Variants in PGAP2 observed in about 807,000 individuals in gnomAD.
The protein encoded by PGAP2 is post-GPI attachment to proteins 2.
Under a neutral mutation model 33.2 loss-of-function variants are expected in PGAP2, and 21 were observed. That is an observed-to-expected ratio of 0.63 (90% CI 0.45 to 0.91). The LOEUF is 0.91. Ranked by LOEUF, PGAP2 falls within the 40% of genes least tolerant of loss-of-function variation. The probability of loss-of-function intolerance (pLI) is 0.00; values close to 1 mark genes in which losing one functional copy is unlikely to be tolerated. For missense variants in PGAP2, 345 were observed against 424.0 expected (o/e 0.81, Z 1.64); for synonymous variants, 161 against 172.9 (o/e 0.93, Z 0.54).
chr11:3,798,235 A>C, intron 1 of PGAP2: 1 of 925,758 alleles, frequency 1.1e-6, no homozygotes, highest in Admixed American at 4.0e-5. Context: ...GGAGCATTAG[A>C]GATGCCCTAA....
rs1389703235 is a variant in PGAP2 at position 3,801,599 on chromosome 11, G to A, written c.139+3617G>A. ...GGAGCTTGCAGTGAGCAGAGATCGC[G>A]CCACTGCACTCCAGCCTGGGTGACA... is the stretch of plus-strand genomic sequence containing the variant. On this transcript the variant is annotated intron_variant, in intron 1 of 6. Transcript: ENST00000300730. 2.2e-4 allele frequency among the ~76,000 whole-genome samples: 28 copies of A among 129,938 alleles called. 1 individual carries two copies. In the South Asian group the frequency reaches 3.0e-3, roughly 14 times the overall value. 85.2% of individuals were successfully genotyped at this position (129,938 alleles called of 152,430 possible).
intron 3 of PGAP2, chr11:3,817,768 C>T (rs1053190391): frequency 4.2e-5 from 28 of 663,136 alleles, no homozygotes; most frequent in Admixed American, 1.8e-4. Flanking sequence ...AGGGAGATGA[C>T]GGGCGCAGTG....
intron 1 of PGAP2, among the ~76,000 whole-genome samples, chr11:3,800,362 A>G (rs546581038): frequency 6.6e-6 from 1 of 152,178 alleles, no homozygotes; most frequent in African/African-American, 2.4e-5. Context: ...CACATTAGAT[A>G]TTTGATGCAC....
At chr11:3,799,907 C>G (rs1413603682) in intron 1 of PGAP2, among the ~76,000 whole-genome samples, 2 of 152,078 alleles carry the variant, frequency 1.3e-5, no homozygotes, top group Non-Finnish European at 2.9e-5. Flanking sequence ...GTTAAAGCTA[C>G]AGTGAGCTGT....
At chr11:3,798,208 T>G (rs1251628928) in intron 1 of PGAP2, 10 of 1,189,638 alleles carry the variant, frequency 8.4e-6, no homozygotes, top group Non-Finnish European at 1.1e-5. Flanking sequence ...CTCCCTGAAT[T>G]TCTAGGATGG....
chr11:3,798,546 G>T (rs983462294), intron 1 of PGAP2, among the ~76,000 whole-genome samples: 63 of 152,034 alleles, frequency 4.1e-4, no homozygotes, highest in African/African-American at 1.4e-3. Flanking sequence ...GGTCAGGCTG[G>T]TCTCGAACTC....
chr11:3,808,895 C>A (rs1341553580), intron 1 of PGAP2, among the ~76,000 whole-genome samples: 1 of 152,190 alleles, frequency 6.6e-6, no homozygotes, highest in Non-Finnish European at 1.5e-5. Context: ...TTCCGCGGGG[C>A]CTCCTGGTCA....
intron 1 of PGAP2, among the ~76,000 whole-genome samples, chr11:3,800,814 A>G (rs2083331571): frequency 3.4e-5 from 5 of 148,294 alleles, no homozygotes; most frequent in Admixed American, 3.4e-4. Context: ...TCCGTCTCAA[A>G]AAAAAAAAAA....
chr11:3,822,922 A>G (rs1365338855), intron 3 of PGAP2: 7 of 1,531,708 alleles, frequency 4.6e-6, no homozygotes, highest in Admixed American at 2.0e-5. Flanking sequence ...TGAAGCTTCA[A>G]TAGGAGTTCC....
chr11:3,802,448 G>A (rs1036952407), intron 1 of PGAP2, among the ~76,000 whole-genome samples: 2 of 152,098 alleles, frequency 1.3e-5, no homozygotes, highest in African/African-American at 4.8e-5. Flanking sequence ...TAAAGACAAG[G>A]AGTTTGATGC....
rs1290253961 is a variant in PGAP2, at chr11:3,824,870, A to T, written c.709-150A>T. 3 of 1,459,556 alleles carry T rather than the reference A, an allele frequency of 2.1e-6. No homozygotes were observed. In the African/African-American group the frequency reaches 4.3e-5, roughly 21 times the overall value. 90.4% of individuals were successfully genotyped at this position (1,459,556 alleles called of 1,614,324 possible). ...GCAGGGACGTGAACACATAGTCGTCATTCTTGCTGCCCCTGCCTGTGCTCC... is the reference window on the plus strand; with the variant it reads ...GCAGGGACGTGAACACATAGTCGTCTTTCTTGCTGCCCCTGCCTGTGCTCC... On this transcript the variant is annotated intron_variant, in intron 5 of 6. Transcript: ENST00000278243.
chr11:3,817,378 C>G lies in PGAP2; in HGVS notation c.191C>G (p.Ala64Gly). 6.2e-7 allele frequency: 1 copy of G among 1,613,214 alleles called. No individual in the cohort carries two copies. Among genetic ancestry groups the G allele is most frequent in the South Asian group, 1.1e-5 (1 of 91,050 alleles). Residue 64 changes from alanine (A) to glycine (G), a missense_variant, in exon 3 of 7, where the codon GCG (alanine) becomes GGG (glycine). By Grantham distance (60) the Ala-to-Gly change is moderately conservative. Transcript: ENST00000278243. ...GCCACGCCCTGCAGGATGTTCTCTG[C>G]GGCCTCCCAGCCTTTGGACCCCGAT... The part of the protein sequence containing the change: ...CGATPCRMFS[A>G]ASQPLDPDGT...
At chr11:3,808,940 T>C (rs2084995374) in intron 1 of PGAP2, among the ~76,000 whole-genome samples, 1 of 152,178 alleles carries the variant, frequency 6.6e-6, no homozygotes, top group Admixed American at 6.5e-5. Context: ...GCCCCGGGGT[T>C]GGAACCCCAT....
intron 3 of PGAP2, chr11:3,822,851 C>T: frequency 1.0e-6 from 1 of 984,594 alleles, no homozygotes; most frequent in Non-Finnish European, 1.5e-6. Flanking sequence ...TTTCACCTCT[C>T]AAACAAGCAA....
At position 3,823,943 on chromosome 11, in the gene PGAP2, G is replaced by C. The variant is rs1004641277; in HGVS notation, c.409G>C (p.Val137Leu). The C allele has an allele frequency of 1.9e-6, 3 of 1,606,512 alleles. No homozygotes were observed. Reference protein sequence around the residue: ...AIGGEVPQRYVWRFCIGLHSA... With the variant: ...AIGGEVPQRYLWRFCIGLHSA... Reference sequence around the variant, plus strand: ...CGGCGGGGAGGTGCCCCAGCGCTACGTGTGGCGTTTCTGCATCGGCCTGCA... The same window carrying C: ...CGGCGGGGAGGTGCCCCAGCGCTACCTGTGGCGTTTCTGCATCGGCCTGCA... Residue 137 changes from valine (V) to leucine (L), a missense_variant, in exon 4 of 7, where the codon GTG (valine) becomes CTG (leucine). Val to Leu is a conservative substitution (Grantham distance 32). Coordinates refer to ENST00000278243, the MANE Select transcript of PGAP2 (RefSeq NM_014489.4).
At chr11:3,822,570 G>T (rs1405287351) in intron 3 of PGAP2, among the ~76,000 whole-genome samples, 1 of 151,734 alleles carries the variant, frequency 6.6e-6, no homozygotes, top group Non-Finnish European at 1.5e-5. Flanking sequence ...GGAGGTCAAG[G>T]CTGCAGTGAG....
intron 1 of PGAP2, among the ~76,000 whole-genome samples, chr11:3,799,087 C>T (rs537200858): frequency 1.3e-5 from 2 of 152,324 alleles, no homozygotes; most frequent in East Asian, 1.9e-4. Context: ...TATTATTTAC[C>T]CTCGGTTTTC....
At chr11:3,800,027 G>A (rs1354483398) in intron 1 of PGAP2, among the ~76,000 whole-genome samples, 1 of 152,090 alleles carries the variant, frequency 6.6e-6, no homozygotes, top group Non-Finnish European at 1.5e-5. Context: ...GAAGAAACAC[G>A]GTACATTGTA....
chr11:3,815,594 C>T (rs985439783), intron 2 of PGAP2, among the ~76,000 whole-genome samples: 30 of 152,150 alleles, frequency 2.0e-4, no homozygotes, highest in Non-Finnish European at 1.8e-4. Flanking sequence ...TTTCCAGGCT[C>T]TTCCCTATCC....
Sources: allele counts gnomAD v4.1 joint callset (sites outside exome capture counted in the v4.1 genomes callset), GRCh38; gene constraint gnomAD v4.1.1; transcripts MANE v1.5; gene names NCBI Gene and HGNC (gene_info 2026-07-23, HGNC 2026-07-21).